CSPP1: variants seen among roughly 807,000 people sequenced by gnomAD.
CSPP1 encodes centrosome and spindle pole-associated protein 1.
Under a neutral mutation model 164.4 loss-of-function variants are expected in CSPP1, and 126 were observed. That is an observed-to-expected ratio of 0.77 (90% CI 0.66 to 0.89). CSPP1 has a LOEUF of 0.89. Among genes scored for constraint, CSPP1 ranks in the 40% least tolerant of loss-of-function variants. The probability of loss-of-function intolerance (pLI) is 0.00; values close to 1 mark genes in which losing one functional copy is unlikely to be tolerated. For synonymous variants in CSPP1, 472 were observed against 476.7 expected, an observed-to-expected ratio of 0.99 and a Z score of 0.13; for missense variants, 1,395 against 1,449.8, an observed-to-expected ratio of 0.96 and a Z score of 0.61.
In CSPP1 at chr8:67,113,768, A is replaced by G. The variant is rs749775324; in HGVS notation, c.1188-37A>G. On this transcript the variant is annotated intron_variant, in intron 10 of 30. Transcript: ENST00000678616. ...TGATTTATAATTTTGATAGTTTACT[A>G]TATCTTTTTAATATGTAAAACTTTA... 53 of 1,108,772 alleles carry G rather than the reference A, an allele frequency of 4.8e-5. No individual in the cohort carries two copies. In the African/African-American group the frequency reaches 6.2e-4, roughly 13 times the overall value. The allele number at this position is 1,108,772 out of a possible 1,614,324, so 68.7% of individuals were successfully genotyped here.
intron 29 of CSPP1, among the ~76,000 whole-genome samples, chr8:67,191,927 A>G (rs1468779251): frequency 1.3e-5 from 2 of 152,102 alleles, no homozygotes; most frequent in Non-Finnish European, 2.9e-5. Flanking sequence ...TTTTGATTTT[A>G]GCCATCTATT....
At chr8:67,103,195 T>TAA in intron 8 of CSPP1, 60 bp downstream of exon 8, 1 of 954,144 alleles carries the variant, frequency 1.0e-6, no homozygotes, top group Non-Finnish European at 1.6e-6. Flanking sequence ...AGAATGTGCC[T>TAA]AAAACTGGCT....
chr8:67,082,911 A>G (rs1369458610), intron 3 of CSPP1, among the ~76,000 whole-genome samples: 1 of 152,220 alleles, frequency 6.6e-6, no homozygotes, highest in Non-Finnish European at 1.5e-5. Context: ...CAACAGGCAC[A>G]ATAAGTAAGC....
At chr8:67,167,781 C>T (rs1186982113) in intron 24 of CSPP1, among the ~76,000 whole-genome samples, 7 of 151,478 alleles carry the variant, frequency 4.6e-5, no homozygotes, top group African/African-American at 1.5e-4. Flanking sequence ...AACGGGATGG[C>T]GGCTGGGAAG....
At position 67,159,852 on chromosome 8, in the gene CSPP1, T is replaced by TTTTCTTTCTTTC. The variant is rs71249421; in HGVS notation, c.2538+776_2538+787dup. Among the ~76,000 whole-genome samples, 77 of 47,596 alleles carry TTTTCTTTCTTTC rather than the reference T, an allele frequency of 1.6e-3. 1 individual carries two copies. Among genetic ancestry groups the TTTTCTTTCTTTC allele is most frequent in the East Asian group, 2.7e-3 (5 of 1,834 alleles). 31.2% of individuals were successfully genotyped at this position (47,596 alleles called of 152,430 possible). On this transcript the variant is annotated intron_variant, in intron 21 of 30. Transcript: ENST00000678616. ...TCTCTTTCTTTCTTTCTTTCTTTCT[T>TTTTCTTTCTTTC]TTTCTTTCTTTCTTTCTTTCTTTCT... is the stretch of plus-strand genomic sequence containing the variant.
At chr8:67,160,030 T>C (rs572912853) in intron 21 of CSPP1, among the ~76,000 whole-genome samples, 1 of 109,174 alleles carries the variant, frequency 9.2e-6, no homozygotes, top group East Asian at 2.2e-4. Flanking sequence ...TCTTTTCTTT[T>C]CTTTTTCTTT....
chr8:67,159,285 G>A (rs1169529575), intron 21 of CSPP1, 148 bp downstream of exon 21: 6 of 737,148 alleles, frequency 8.1e-6, no homozygotes, highest in Non-Finnish European at 1.3e-5. Flanking sequence ...ACAATGTACT[G>A]AACTTTCTGT....
Position 67,158,441 on chromosome 8 carries a change from C to T in CSPP1, c.2242-6C>T. 2 of 1,573,016 alleles carry T rather than the reference C, an allele frequency of 1.3e-6. No homozygotes were observed. The highest frequency in any genetic ancestry group is 1.7e-6 in the Non-Finnish European group (2 of 1,157,998). On this transcript the variant is annotated splice_polypyrimidine_tract_variant and splice_region_variant and intron_variant, in intron 19 of 30. Transcript: ENST00000678616. ...ACAAGATAAATAACTAAGTTTAATT[C>T]TTTAGATTGAGGAAAAGAAACAAAG...
rs531813307 is a variant in CSPP1, at chr8:67,067,036, G to A, written c.-11+2498G>A. Among the ~76,000 whole-genome samples, 6 of 152,312 alleles carry A rather than the reference G, an allele frequency of 3.9e-5. No homozygotes were observed. In the South Asian group the frequency reaches 8.3e-4, roughly 21 times the overall value. ...CTCCCAAAGTGCTGGGATTACAGGC[G>A]TGAGCCACGGTGCCCAGCCACATTT... is the stretch of plus-strand genomic sequence containing the variant. On this transcript the variant is annotated intron_variant, in intron 1 of 30. Transcript: ENST00000678616.
At chr8:67,070,728 T>TATATTTAC (rs1806586107) in intron 1 of CSPP1, among the ~76,000 whole-genome samples, 4 of 149,436 alleles carry the variant, frequency 2.7e-5, no homozygotes, top group African/African-American at 9.8e-5. Flanking sequence ...TGTAAATATA[T>TATATTTAC]ATATATATAT....
rs188402958 is a variant in CSPP1 at position 67,110,697 on chromosome 8, C to T, written c.1094-1275C>T. ...TCAGTTTCCTGGCCCTCTTTGGGTT[C>T]TCTTTACCTCTTTACCTGTATCTGT... On this transcript the variant is annotated intron_variant, in intron 9 of 30. Coordinates refer to ENST00000678616, the MANE Select transcript of CSPP1 (RefSeq NM_001382391.1). Among the ~76,000 whole-genome samples the T allele has an allele frequency of 9.2e-5, 14 of 152,212 alleles. No individual in the cohort carries two copies. The East Asian group carries it at 2.5e-3, about 27-fold the overall frequency.
chr8:67,172,178 T>G (rs1399504353), intron 24 of CSPP1, among the ~76,000 whole-genome samples: 2 of 142,320 alleles, frequency 1.4e-5, no homozygotes, highest in East Asian at 4.1e-4. Context: ...TTTTTTTTTG[T>G]AGCGAGGGGG....
intron 9 of CSPP1, among the ~76,000 whole-genome samples, chr8:67,106,963 A>T (rs1445386336): frequency 6.6e-6 from 1 of 152,160 alleles, no homozygotes; most frequent in Admixed American, 6.6e-5. Context: ...TGACCAGTTT[A>T]ATCAGTACCA....
chr8:67,158,899 T>G (rs977910752), intron 20 of CSPP1, 92 bp from the exon 21 acceptor site: 2 of 1,097,930 alleles, frequency 1.8e-6, no homozygotes, highest in Non-Finnish European at 1.3e-6. Flanking sequence ...TCTATATCTT[T>G]ATCTCATTTT....
chr8:67,127,413 A>G (rs1056357646), intron 15 of CSPP1, among the ~76,000 whole-genome samples: 1 of 151,844 alleles, frequency 6.6e-6, no homozygotes, highest in Non-Finnish European at 1.5e-5. Flanking sequence ...CCCCCACTCC[A>G]TTTCACGCCT....
chr8:67,113,783 G>A, intron 10 of CSPP1, 22 bp from the exon 11 acceptor site: 2 of 1,384,080 alleles, frequency 1.4e-6, no homozygotes, highest in Non-Finnish European at 2.0e-6. Flanking sequence ...TTTTTAATAT[G>A]TAAAACTTTA....
At position 67,177,743 on chromosome 8, in the gene CSPP1, A is replaced by G. The variant is rs748801088; in HGVS notation, c.3156+17A>G. On this transcript the variant is annotated intron_variant, in intron 27 of 30. Transcript: ENST00000678616. ...CAAAGAATGGTAAGCAACCAGTTAC[A>G]ATTTTTCAAGTTAGTTTTTGGGGGA... 2 of 1,598,500 alleles carry G rather than the reference A, an allele frequency of 1.3e-6. No individual in the cohort carries two copies. The highest frequency in any genetic ancestry group is 2.2e-5 in the East Asian group (1 of 44,744).
rs561564084 is a variant in CSPP1, at chr8:67,155,016, G to A, written c.2241+880G>A. Among the ~76,000 whole-genome samples, 17 of 152,288 alleles carry A rather than the reference G, an allele frequency of 1.1e-4. No homozygotes were observed. In the South Asian group the frequency reaches 3.1e-3, roughly 28 times the overall value. On this transcript the variant is annotated intron_variant, in intron 19 of 30. Coordinates refer to ENST00000678616, the MANE Select transcript of CSPP1 (RefSeq NM_001382391.1). ...GTTTACAATTATTTGCCCCATTTAT[G>A]TACATAAGTAAATGGCATTTAACAT... is the stretch of plus-strand genomic sequence containing the variant.
chr8:67,164,615 A>G, intron 24 of CSPP1, 107 bp downstream of exon 24: 1 of 564,586 alleles, frequency 1.8e-6, no homozygotes, highest in African/African-American at 1.9e-5. Flanking sequence ...CTTACTTAAA[A>G]TCTCCTTACT....
Sources: allele counts gnomAD v4.1 joint callset (sites outside exome capture counted in the v4.1 genomes callset), GRCh38; gene constraint gnomAD v4.1.1; transcripts MANE v1.5; gene names NCBI Gene and HGNC (gene_info 2026-07-23, HGNC 2026-07-21).